The following YJU2B variants were observed in gnomAD, a reference collection of about 807,000 sequenced individuals.
The protein encoded by YJU2B is probable splicing factor YJU2B.
A neutral mutation model predicts 38.0 loss-of-function variants in YJU2B; 18 were observed. The ratio of observed to expected loss-of-function variants is 0.47; its 90% CI spans 0.33 to 0.70. The LOEUF (loss-of-function observed/expected upper bound fraction) is 0.70, where lower values mean the gene tolerates loss of function less well. Among genes scored for constraint, YJU2B ranks in the 30% least tolerant of loss-of-function variants. The pLI is 0.02. For missense variants in YJU2B, 538 were observed against 556.3 expected, an observed-to-expected ratio of 0.97 and a Z score of 0.33; for synonymous variants, 246 against 225.4, an observed-to-expected ratio of 1.09 and a Z score of -0.82.
chr19:13,757,715 G>C, intron 5 of YJU2B, 71 bp from the exon 6 acceptor site: 1 of 1,465,472 alleles, frequency 6.8e-7, no homozygotes, highest in Non-Finnish European at 9.6e-7. Context: ...GAGCCTCTTT[G>C]TACCTCATTT....
chr19:13,734,128 A>G (rs1360434844), intron 2 of YJU2B, among the ~76,000 whole-genome samples: 2 of 151,900 alleles, frequency 1.3e-5, no homozygotes, highest in East Asian at 1.9e-4. Context: ...GGGTCTCACT[A>G]TGTTGCCCAG....
At chr19:13,740,229 T>C (rs1350505823) in intron 2 of YJU2B, among the ~76,000 whole-genome samples, 1 of 152,182 alleles carries the variant, frequency 6.6e-6, no homozygotes, top group Non-Finnish European at 1.5e-5. Context: ...TTATTTTTGT[T>C]TGAGACAGAA....
chr19:13,735,702 A>G (rs1002772150), intron 2 of YJU2B, among the ~76,000 whole-genome samples: 9 of 152,134 alleles, frequency 5.9e-5, no homozygotes, highest in Non-Finnish European at 1.2e-4. Context: ...GTGGGAAATT[A>G]TGGTGTTTAA....
intron 8 of YJU2B, 97 bp downstream of exon 8, chr19:13,759,369 A>G (rs1161654044): frequency 4.0e-6 from 4 of 989,660 alleles, no homozygotes; most frequent in East Asian, 2.6e-5. Flanking sequence ...TGAGCAGGCC[A>G]CTGTACCCTC....
intron 6 of YJU2B, 67 bp downstream of exon 6, chr19:13,757,913 GC>G (rs939017370): frequency 2.2e-5 from 31 of 1,412,842 alleles, no homozygotes; most frequent in Non-Finnish European, 2.9e-5. Flanking sequence ...GCTACAAAGA[GC>G]CTGAGTTGCG....
rs149679803 is a variant in YJU2B at position 13,756,001 on chromosome 19, C to G, written c.58-196C>G. 1.7e-3 allele frequency among the ~76,000 whole-genome samples: 263 copies of G among 152,300 alleles called. 1 individual carries two copies. Among genetic ancestry groups the G allele is most frequent in the African/African-American group, 5.9e-3 (247 of 41,554 alleles). ...ATAAGAGAGGGACTATTCAAACTCA[C>G]GTTCCTGGTTCCAAGCCTACATGTT... On this transcript the variant is annotated intron_variant, in intron 3 of 9. Coordinates refer to ENST00000221554, the MANE Select transcript of YJU2B (RefSeq NM_030818.4).
upstream of YJU2B, among the ~76,000 whole-genome samples, chr19:13,743,147 G>GTTTTTTTTTTTTTT (rs1568279357): frequency 6.6e-6 from 1 of 152,056 alleles, no homozygotes; most frequent in African/African-American, 2.4e-5. Flanking sequence ...TGCAGGTGGG[G>GTTTTTTTTTTTTTT]GTTTTTTAAG....
Position 13,756,247 on chromosome 19 carries a change from T to C in YJU2B, c.108T>C (p.Ala36=), listed in dbSNP as rs906536097. The change falls in exon 4 of 10, where the codon GCT becomes GCC. Residue 36 remains alanine, a synonymous_variant. Transcript: ENST00000221554. ...YHNSHPLRER[A]RKLSQGILII... is the part of the protein sequence containing the mutation. Reference sequence around the variant, plus strand: ...ACAGCCACCCGCTTCGGGAGCGGGCTCGGAAGCTGTCACAGGGCATCCTCA... The same window carrying C: ...ACAGCCACCCGCTTCGGGAGCGGGCCCGGAAGCTGTCACAGGGCATCCTCA... 1.2e-6 allele frequency: 2 copies of C among 1,613,934 alleles called. No individual in the cohort carries two copies. Among genetic ancestry groups the C allele is most frequent in the Non-Finnish European group, 1.7e-6 (2 of 1,180,004 alleles).
chr19:13,736,979 A>G (rs892243685), intron 2 of YJU2B, among the ~76,000 whole-genome samples: 8 of 147,806 alleles, frequency 5.4e-5, no homozygotes, highest in African/African-American at 2.0e-4. Flanking sequence ...GTGAGCTGAG[A>G]TCGTGCCACT....
At chr19:13,759,835 T>C (rs1030310401) in intron 8 of YJU2B, among the ~76,000 whole-genome samples, 10 of 150,876 alleles carry the variant, frequency 6.6e-5, no homozygotes, top group African/African-American at 2.0e-4. Flanking sequence ...TTCACTCTTA[T>C]TGCCCAGGCT....
chr19:13,735,020 G>A (rs1972907840), intron 2 of YJU2B, among the ~76,000 whole-genome samples: 1 of 152,178 alleles, frequency 6.6e-6, no homozygotes, highest in South Asian at 2.1e-4. Context: ...CCCTGGCCAA[G>A]GATCAGGAGA....
intron 8 of YJU2B, 35 bp from the exon 9 acceptor site, chr19:13,762,264 C>G: frequency 1.2e-6 from 2 of 1,607,284 alleles, no homozygotes; most frequent in Non-Finnish European, 8.5e-7. Flanking sequence ...GGCTTTGACA[C>G]CCCCTATCTC....
rs777174628 is a variant in YJU2B at position 13,756,231 on chromosome 19, C to T, written c.92C>T (p.Pro31Leu). 4.3e-6 allele frequency: 7 copies of T among 1,613,984 alleles called. No individual in the cohort carries two copies. Among genetic ancestry groups the T allele is most frequent in the South Asian group, 3.3e-5 (3 of 91,086 alleles). Residue 31 changes from proline (P) to leucine (L), a missense_variant, in exon 4 of 10, where the codon CCG (proline) becomes CTG (leucine). Physicochemically the swap from Pro to Leu is moderately conservative, Grantham distance 98. Transcript: ENST00000221554. ...CTCAACCGATACCACAACAGCCACC[C>T]GCTTCGGGAGCGGGCTCGGAAGCTG... ...GSLNRYHNSH[P>L]LRERARKLSQ...
intron 2 of YJU2B, among the ~76,000 whole-genome samples, chr19:13,741,419 C>T (rs1374904291): frequency 1.3e-5 from 2 of 151,862 alleles, no homozygotes; most frequent in African/African-American, 4.8e-5. Context: ...TCCCGAAGTG[C>T]TGGGATTACA....
intron 2 of YJU2B, among the ~76,000 whole-genome samples, chr19:13,740,711 A>G (rs937300726): frequency 7.2e-5 from 11 of 151,742 alleles, no homozygotes; most frequent in African/African-American, 2.7e-4. Context: ...TAATCTTTGT[A>G]TTTTTAGTGG....
Position 13,759,143 on chromosome 19 carries a change from G to T in YJU2B, c.444G>T (p.Arg148=). The change falls in exon 8 of 10, where the codon CGG becomes CGT. Residue 148 remains arginine (R), a synonymous_variant. Transcript: ENST00000221554. ...KQKLETDAMF[R]LEHGEADRST... is the part of the protein sequence containing the mutation. ...AGCTGGAGACGGACGCCATGTTCCG[G>T]CTGGAGCATGGCGAGGCCGACCGCA... 6.2e-7 allele frequency: 1 copy of T among 1,613,706 alleles called. No homozygotes were observed. The highest frequency in any genetic ancestry group is 1.1e-5 in the South Asian group (1 of 91,046).
At position 13,737,995 on chromosome 19, in the gene YJU2B, C is replaced by T. The variant is rs186055397; in HGVS notation, c.-202+5710C>T. The stretch of plus-strand genomic sequence containing the variant: ...ATCACTCTTCTGGCCTTCCCTGCTT[C>T]GAAACAGGCCATCTGCCCCTTGGTG... On this transcript the variant is annotated intron_variant, in intron 2 of 10. Transcript: ENST00000586600. 4.1e-3 allele frequency among the ~76,000 whole-genome samples: 631 copies of T among 152,244 alleles called. 2 individuals carry two copies. The highest frequency in any genetic ancestry group is 7.8e-3 in the Admixed American group (119 of 15,268).
At chr19:13,753,225 A>G (rs1168026110) in intron 2 of YJU2B, among the ~76,000 whole-genome samples, 2 of 152,170 alleles carry the variant, frequency 1.3e-5, no homozygotes, top group Admixed American at 6.5e-5. Flanking sequence ...AGGCTGCACA[A>G]GTAGGTTTCC....
chr19:13,745,604 TTG>T (rs1354758415), upstream of YJU2B, among the ~76,000 whole-genome samples: 2 of 150,898 alleles, frequency 1.3e-5, no homozygotes, highest in Admixed American at 1.3e-4. Context: ...TGAGCCAAGA[TTG>T]TGCCTTTGCT....
Sources: gnomAD v4.1 joint callset for allele counts (sites outside exome capture counted in the v4.1 genomes callset) on GRCh38, gnomAD v4.1.1 for gene constraint, MANE v1.5 for transcripts, NCBI Gene and HGNC (gene_info 2026-07-23, HGNC 2026-07-21) for gene names.